CACFD1: variants seen among roughly 807,000 people sequenced by gnomAD.
The protein encoded by CACFD1 is calcium channel flower homolog.
CACFD1 carries 26 observed loss-of-function variants against 21.3 expected under a neutral mutation model. The ratio of observed to expected loss-of-function variants is 1.22; its 90% confidence interval spans 0.89 to 1.69. CACFD1 has a LOEUF of 1.69. Ranked by LOEUF, CACFD1 falls within the 40% of genes most tolerant of loss-of-function variation. The pLI, the probability that CACFD1 is intolerant of heterozygous loss-of-function variation, is 0.00. For synonymous variants in CACFD1, 121 were observed against 106.6 expected (o/e 1.13, Z -0.83); for missense variants, 265 against 236.2 (o/e 1.12, Z -0.80).
rs1554797914 is a variant in CACFD1, at chr9:133,460,100, G to A, written c.34G>A (p.Ala12Thr). The A allele has an allele frequency of 2.6e-6, 4 of 1,562,672 alleles. No homozygotes were observed. Among genetic ancestry groups the A allele is most frequent in the Non-Finnish European group, 8.7e-7 (1 of 1,153,356 alleles). ...SSSGGAPGASASSAPPAQEEG... is the reference protein window; with the variant it reads ...SSSGGAPGASTSSAPPAQEEG... ...CTCAGGTGGGGCGCCCGGGGCGTCC[G>A]CCAGCTCTGCGCCGCCCGCGCAGGA... The change falls in exon 1 of 5, where the codon GCC (alanine) becomes ACC (threonine). Residue 12 changes from alanine to threonine, a missense_variant. Physicochemically the swap from Ala to Thr is moderately conservative, Grantham distance 58 (BLOSUM62 0). Transcript: ENST00000316948.
chr9:133,468,020 G>T lies in CACFD1; in HGVS notation c.420G>T (p.Leu140=). Residue 140 remains leucine, a synonymous_variant, in exon 4 of 5, where the codon CTG becomes CTT. Transcript: ENST00000316948. The part of the protein sequence containing the change: ...ATGVLYGLSA[L]GKKGDAISYA... ...GGGTGCTGTACGGACTCTCTGCTCTGGGCAAAAAGTGCGTCTGCCAGGCCC... is the reference window on the plus strand; with the variant it reads ...GGGTGCTGTACGGACTCTCTGCTCTTGGCAAAAAGTGCGTCTGCCAGGCCC... 1 of 1,613,350 alleles carries T rather than the reference G, an allele frequency of 6.2e-7. No individual in the cohort carries two copies. Among genetic ancestry groups the T allele is most frequent in the Non-Finnish European group, 8.5e-7 (1 of 1,179,638 alleles).
At chr9:133,463,298 C>A in intron 1 of CACFD1, 185 bp from the exon 2 acceptor site, 1 of 669,506 alleles carries the variant, frequency 1.5e-6, no homozygotes, top group Non-Finnish European at 1.8e-6. Context: ...GCAAGCAAGG[C>A]ACTGCACCTC....
In CACFD1 at chr9:133,469,391, C is replaced by T. The variant is rs1266450805; in HGVS notation, c.*738C>T. On this transcript the variant is annotated 3_prime_UTR_variant, in exon 5 of 5. Coordinates refer to ENST00000316948, the MANE Select transcript of CACFD1 (RefSeq NM_017586.5). ...GTGCTAAGGAAGTGGGGAGAGCAGGCTCTCCCTGGCACCGAGGGTGCCCAC... is the reference window on the plus strand; with the variant it reads ...GTGCTAAGGAAGTGGGGAGAGCAGGTTCTCCCTGGCACCGAGGGTGCCCAC... The T allele has an allele frequency of 6.6e-6, 1 of 152,314 alleles. No homozygotes were observed. Among genetic ancestry groups the T allele is most frequent in the Non-Finnish European group, 1.5e-5 (1 of 68,168 alleles). 9.4% of individuals were successfully genotyped at this position (152,314 alleles called of 1,614,324 possible).
At chr9:133,464,686 C>G (rs1843361523) in intron 2 of CACFD1, among the ~76,000 whole-genome samples, 3 of 152,314 alleles carry the variant, frequency 2.0e-5, no homozygotes, top group African/African-American at 7.2e-5. Context: ...CTTCCGTCAC[C>G]AGTGGCTTAG....
chr9:133,469,098 C>G lies in CACFD1; in HGVS notation c.*445C>G, dbSNP rs587691166. ...GTGGAGCCCCAGGGCCTGGGACAGC[C>G]TGCCGCTGCCAGCAACCTCCCACTG... On this transcript the variant is annotated 3_prime_UTR_variant, in exon 5 of 5. Transcript: ENST00000316948. 1.9e-4 allele frequency: 36 copies of G among 190,938 alleles called. No individual in the cohort carries two copies. Among genetic ancestry groups the G allele is most frequent in the Middle Eastern group, 4.1e-3 (2 of 484 alleles). 11.8% of individuals were successfully genotyped at this position (190,938 alleles called of 1,614,324 possible). A position where few individuals can be genotyped will look rare whatever the true frequency, so the allele number is the denominator to read the frequency against.
rs115243551 is a variant in CACFD1, at chr9:133,465,685, A to G, written c.320+238A>G. 7.2e-4 allele frequency: 377 copies of G among 521,230 alleles called. 1 individual carries two copies. The highest frequency in any genetic ancestry group is 6.8e-3 in the African/African-American group (352 of 51,432). 32.3% of individuals were successfully genotyped at this position (521,230 alleles called of 1,614,324 possible). A position where few individuals can be genotyped will look rare whatever the true frequency, so the allele number is the denominator to read the frequency against. On this transcript the variant is annotated intron_variant, in intron 3 of 4. Coordinates refer to ENST00000316948, the MANE Select transcript of CACFD1 (RefSeq NM_017586.5). This position sits in a 1 kb window ranked among gnomAD's most constrained non-coding sequence, Gnocchi z 5.0. Reference sequence around the variant, plus strand: ...TAGTCACTGGAAGGTTCAGAGGTATATGAGCATGTGTGGCAGCATCCGTGC... The same window carrying G: ...TAGTCACTGGAAGGTTCAGAGGTATGTGAGCATGTGTGGCAGCATCCGTGC...
chr9:133,465,328 T>A lies in CACFD1; in HGVS notation c.201T>A (p.Asn67Lys), dbSNP rs1554799319. Residue 67 changes from asparagine to lysine, a missense_variant, in exon 3 of 5, where the codon AAT becomes AAA. Coordinates refer to ENST00000316948, the MANE Select transcript of CACFD1 (RefSeq NM_017586.5). This position sits in a 1 kb window ranked among gnomAD's most constrained non-coding sequence, Gnocchi z 5.0. ...NIAAGVWMIM[N>K]AFILLLCEAP... ...CCTGCCCTGGTCCCTGCAGCATGAA[T>A]GCCTTCATCTTGTTGCTGTGTGAGG... 1 of 1,614,064 alleles carries A rather than the reference T, an allele frequency of 6.2e-7. No individual in the cohort carries two copies. The highest frequency in any genetic ancestry group is 8.5e-7 in the Non-Finnish European group (1 of 1,180,008).
intron 4 of CACFD1, 111 bp downstream of exon 4, chr9:133,468,139 C>T: frequency 9.6e-7 from 1 of 1,040,078 alleles, no homozygotes; most frequent in Non-Finnish European, 1.4e-6. Flanking sequence ...GAGACCGAGG[C>T]AGAGGTCCCA....
At chr9:133,462,968 T>TTCCCATCTCTGTTCTGAGA (rs1843277572) in intron 1 of CACFD1, among the ~76,000 whole-genome samples, 2 of 152,204 alleles carry the variant, frequency 1.3e-5, no homozygotes, top group South Asian at 4.1e-4. Context: ...TCTTACCTGG[T>TTCCCATCTCTGTTCTGAGA]TCCCATCTCT....
intron 1 of CACFD1, among the ~76,000 whole-genome samples, chr9:133,462,508 C>T (rs1050745598): frequency 6.6e-6 from 1 of 152,246 alleles, no homozygotes; most frequent in Non-Finnish European, 1.5e-5. Context: ...ATTCCAGACC[C>T]AGGTGGAGGG....
chr9:133,468,696 G>A lies in CACFD1; in HGVS notation c.*43G>A, dbSNP rs180905434. The A allele has an allele frequency of 1.3e-3, 1,922 of 1,532,894 alleles. 4 individuals are homozygous for A. Among genetic ancestry groups the A allele is most frequent in the Non-Finnish European group, 1.5e-3 (1,744 of 1,141,294 alleles). The allele number at this position is 1,532,894 out of a possible 1,614,324, so 95.0% of individuals were successfully genotyped here. ...CCTCCCTGTCCCCTCTTCTGGCTCT[G>A]TGTGGGTCCAAGTGAGGCCTGGACT... is the stretch of plus-strand genomic sequence containing the variant. On this transcript the variant is annotated 3_prime_UTR_variant, in exon 5 of 5. Coordinates refer to ENST00000316948, the MANE Select transcript of CACFD1 (RefSeq NM_017586.5).
At chr9:133,467,782 G>C (rs1554799818) in intron 3 of CACFD1, 139 bp from the exon 4 acceptor site, 6 of 633,340 alleles carry the variant, frequency 9.5e-6, no homozygotes, top group African/African-American at 9.1e-5. Context: ...ACTTTCTGAA[G>C]CTGTGTCTCA....
chr9:133,468,042 G>A lies in CACFD1; in HGVS notation c.428+14G>A, dbSNP rs199542716. ...TCTGGGCAAAAAGTGCGTCTGCCAG[G>A]CCCAGCCCCTGGGCAGGGCCTTCCT... On this transcript the variant is annotated intron_variant, in intron 4 of 4. Transcript: ENST00000316948. 1.2e-6 allele frequency: 2 copies of A among 1,605,734 alleles called. No homozygotes were observed. The highest frequency in any genetic ancestry group is 1.7e-6 in the Non-Finnish European group (2 of 1,173,026).
intron 4 of CACFD1, 56 bp from the exon 5 acceptor site, chr9:133,468,507 A>C: frequency 6.5e-7 from 1 of 1,548,720 alleles, no homozygotes; most frequent in South Asian, 1.2e-5. Flanking sequence ...AGTGGTCAGG[A>C]GGGCTGTGGG....
chr9:133,468,830 G>T lies in CACFD1; in HGVS notation c.*177G>T. 8.8e-7 allele frequency: 1 copy of T among 1,137,562 alleles called. No individual in the cohort carries two copies. The highest frequency in any genetic ancestry group is 1.2e-6 in the Non-Finnish European group (1 of 831,280). 70.5% of individuals were successfully genotyped at this position (1,137,562 alleles called of 1,614,324 possible). A position where few individuals can be genotyped will look rare whatever the true frequency, so the allele number is the denominator to read the frequency against. On this transcript the variant is annotated 3_prime_UTR_variant, in exon 5 of 5. Coordinates refer to ENST00000316948, the MANE Select transcript of CACFD1 (RefSeq NM_017586.5). ...TTAAGCCAGGAGCCACTGGCTGCTG[G>T]TGTGAGGGTCTGGGCTGCTGGACTT...
At chr9:133,460,471 C>CGGCGGGGGCGGCGGG (rs1554798191) in intron 1 of CACFD1, among the ~76,000 whole-genome samples, 98 of 125,888 alleles carry the variant, frequency 7.8e-4, no homozygotes, top group Middle Eastern at 4.0e-3. Flanking sequence ...GGCGGGGGGG[C>CGGCGGGGGCGGCGGG]GGCGGGGGCG....
Position 133,468,803 on chromosome 9 carries a change from G to C in CACFD1, c.*150G>C. 1 of 1,360,442 alleles carries C rather than the reference G, an allele frequency of 7.4e-7. No homozygotes were observed. The highest frequency in any genetic ancestry group is 9.7e-7 in the Non-Finnish European group (1 of 1,033,502). The allele number at this position is 1,360,442 out of a possible 1,614,324, so 84.3% of individuals were successfully genotyped here. ...GTCCTCTGCTCCTTTCTCCAGACTG[G>C]CTTAAGCCAGGAGCCACTGGCTGCT... is the stretch of plus-strand genomic sequence containing the variant. On this transcript the variant is annotated 3_prime_UTR_variant, in exon 5 of 5. Transcript: ENST00000316948.
chr9:133,463,422 G>T lies in CACFD1; in HGVS notation c.122-61G>T, dbSNP rs891570528. 11 of 1,611,274 alleles carry T rather than the reference G, an allele frequency of 6.8e-6. No homozygotes were observed. In the South Asian group the frequency reaches 9.9e-5, roughly 14 times the overall value. Reference sequence around the variant, plus strand: ...TCCTTTCCAGTCATCTCCCAAGGCCGCCTTCCCAGCGGGCTCCGCCTGCCT... The same window carrying T: ...TCCTTTCCAGTCATCTCCCAAGGCCTCCTTCCCAGCGGGCTCCGCCTGCCT... On this transcript the variant is annotated intron_variant, in intron 1 of 4. Coordinates refer to ENST00000316948, the MANE Select transcript of CACFD1 (RefSeq NM_017586.5).
Position 133,465,174 on chromosome 9 carries a change from C to G in CACFD1, c.195-148C>G. 2.3e-6 allele frequency: 2 copies of G among 862,736 alleles called. No individual in the cohort carries two copies. Among genetic ancestry groups the G allele is most frequent in the Non-Finnish European group, 3.8e-6 (2 of 529,072 alleles). The allele number at this position is 862,736 out of a possible 1,614,324, so 53.4% of individuals were successfully genotyped here. A position where few individuals can be genotyped will look rare whatever the true frequency, so the allele number is the denominator to read the frequency against. ...TCTCCGAGGGGTACGAGCAGGTGCC[C>G]TGGAGCAGCCGGGCGGCTTCCCAGA... On this transcript the variant is annotated intron_variant, in intron 2 of 4. Coordinates refer to ENST00000316948, the MANE Select transcript of CACFD1 (RefSeq NM_017586.5). This position sits in a 1 kb window ranked among gnomAD's most constrained non-coding sequence, Gnocchi z 5.0.
Sources: allele counts gnomAD v4.1 joint callset (sites outside exome capture counted in the v4.1 genomes callset), GRCh38; gene constraint gnomAD v4.1.1; non-coding constraint Gnocchi (gnomAD v3.1); transcripts MANE v1.5; gene names NCBI Gene and HGNC (gene_info 2026-07-23, HGNC 2026-07-21).